The following ZNF618 variants were observed in gnomAD, a reference collection of about 807,000 sequenced individuals.
ZNF618 encodes the protein zinc finger protein 618.
ZNF618 carries 34 observed loss-of-function variants against 103.0 expected under a neutral mutation model. The ratio of observed to expected loss-of-function variants is 0.33; its 90% CI spans 0.25 to 0.44. The LOEUF (loss-of-function observed/expected upper bound fraction) is 0.44, where lower values mean the gene tolerates loss of function less well. Among genes scored for constraint, ZNF618 ranks in the 20% least tolerant of loss-of-function variants. The probability of loss-of-function intolerance (pLI) is 1.00; values close to 1 mark genes in which losing one functional copy is unlikely to be tolerated. For missense variants in ZNF618, 1,059 were observed against 1,295.4 expected, an observed-to-expected ratio of 0.82 and a Z score of 2.80; for synonymous variants, 551 against 542.2, an observed-to-expected ratio of 1.02 and a Z score of -0.23.
intron 1 of ZNF618, among the ~76,000 whole-genome samples, chr9:113,948,791 C>T (rs1490592276): frequency 1.3e-5 from 2 of 152,086 alleles, no homozygotes; most frequent in African/African-American, 4.8e-5. Context: ...CAGAAGGCAG[C>T]GCTGGTAATA....
chr9:113,901,171 T>C (rs1359727001), intron 1 of ZNF618, among the ~76,000 whole-genome samples: 10 of 151,170 alleles, frequency 6.6e-5, no homozygotes, highest in Non-Finnish European at 1.2e-4. Context: ...CTCCTAGCAC[T>C]GTCCTCTCCC....
intron 1 of ZNF618, among the ~76,000 whole-genome samples, chr9:113,936,178 G>C (rs1015843095): frequency 4.6e-5 from 7 of 152,174 alleles, no homozygotes; most frequent in African/African-American, 1.2e-4. Flanking sequence ...GCAGCTTGGT[G>C]GTCAGAGACC....
chr9:113,991,910 C>T (rs2133378115), intron 3 of ZNF618, among the ~76,000 whole-genome samples: 1 of 152,296 alleles, frequency 6.6e-6, no homozygotes, highest in Non-Finnish European at 1.5e-5. Context: ...GAAGCAGGGC[C>T]AGAGTGCTCC....
At chr9:113,951,593 G>A (rs1424765170) in intron 1 of ZNF618, among the ~76,000 whole-genome samples, 1 of 106,256 alleles carries the variant, frequency 9.4e-6, no homozygotes, top group African/African-American at 3.4e-5. Context: ...GTGTGTGTGT[G>A]TGTGTATATA....
At chr9:113,896,336 C>T (rs78829530) in intron 1 of ZNF618, among the ~76,000 whole-genome samples, 1 of 151,992 alleles carries the variant, frequency 6.6e-6, no homozygotes, top group Admixed American at 6.5e-5. Context: ...TGGTCACTTA[C>T]AGATGTGTAA....
chr9:113,928,600 G>C (rs926743476), intron 1 of ZNF618, among the ~76,000 whole-genome samples: 3 of 152,290 alleles, frequency 2.0e-5, no homozygotes, highest in African/African-American at 7.2e-5. Context: ...GTTCGCTGTA[G>C]CTGGAGATGC....
At chr9:114,031,858 A>G (rs1182978014) in intron 11 of ZNF618, among the ~76,000 whole-genome samples, 1 of 151,958 alleles carries the variant, frequency 6.6e-6, no homozygotes, top group Non-Finnish European at 1.5e-5. Flanking sequence ...GCACCTTGGA[A>G]AAGCTGGGCT....
rs1328996298 is a variant in ZNF618 at position 114,050,088 on chromosome 9, C to T, written c.2786C>T (p.Ala929Val). 8.7e-6 allele frequency: 14 copies of T among 1,611,098 alleles called. No homozygotes were observed. Among genetic ancestry groups the T allele is most frequent in the East Asian group, 4.5e-5 (2 of 44,824 alleles). Residue 929 changes from alanine to valine, a missense_variant, in exon 15 of 15, where the codon GCG becomes GTG. Physicochemically the swap from Ala to Val is moderately conservative, Grantham distance 64. Transcript: ENST00000374126. ...GGGTGTGTAAATATGTGTGAACAAG[C>T]GCTTCTAATCAAACGGAGGCGGCTG... Reference protein sequence around the residue: ...RSGCVNMCEQALLIKRRRLLS... With the variant: ...RSGCVNMCEQVLLIKRRRLLS...
Position 114,049,826 on chromosome 9 carries a change from G to A in ZNF618, c.2524G>A (p.Glu842Lys), listed in dbSNP as rs749425140. Residue 842 changes from glutamate to lysine, a missense_variant, in exon 15 of 15, where the codon GAG becomes AAG. By Grantham distance (56) the Glu-to-Lys change is moderately conservative. This residue lies in a region of ZNF618 where 156 missense variants were observed against 197.1 expected (regional missense o/e 0.79). Transcript: ENST00000374126. ...LINEVKESWA[E>K]EADFEPAAKK... ...CAACGAGGTGAAGGAGTCCTGGGCC[G>A]AGGAGGCCGACTTCGAGCCCGCTGC... 65 of 1,613,846 alleles carry A rather than the reference G, an allele frequency of 4.0e-5. No individual in the cohort carries two copies. Among genetic ancestry groups the A allele is most frequent in the Admixed American group, 1.3e-4 (8 of 60,014 alleles).
rs115783601 is a variant in ZNF618, at chr9:114,015,282, T to C, written c.755-1413T>C. ...GTTGATATCCTTAATCTACAAAGAGTTTAGCCATTTCATAAATGTCAATAT... is the reference window on the plus strand; with the variant it reads ...GTTGATATCCTTAATCTACAAAGAGCTTAGCCATTTCATAAATGTCAATAT... On this transcript the variant is annotated intron_variant, in intron 9 of 14. Transcript: ENST00000374126. Among the ~76,000 whole-genome samples, 279 of 152,292 alleles carry C rather than the reference T, an allele frequency of 1.8e-3. 2 individuals carry two copies. The highest frequency in any genetic ancestry group is 6.4e-3 in the African/African-American group (266 of 41,564).
intron 12 of ZNF618, among the ~76,000 whole-genome samples, chr9:114,035,590 T>G (rs4979331): frequency 0.29 from 44,617 of 151,292 alleles, 8,075 homozygotes; most frequent in East Asian, 0.62. Flanking sequence ...CACCCCTCTT[T>G]CTTTTTCCTC....
intron 2 of ZNF618, among the ~76,000 whole-genome samples, chr9:113,973,381 G>A (rs1019691699): frequency 6.6e-6 from 1 of 152,104 alleles, no homozygotes; most frequent in Non-Finnish European, 1.5e-5. Flanking sequence ...CTTCCTCTTG[G>A]CCTGGAACAC....
chr9:113,933,278 T>G (rs1488252851), intron 1 of ZNF618, among the ~76,000 whole-genome samples: 14 of 152,090 alleles, frequency 9.2e-5, no homozygotes. Flanking sequence ...AGGAACAGAG[T>G]TAGGGGCATG....
chr9:114,008,631 G>C, intron 9 of ZNF618, 77 bp downstream of exon 9: 4 of 1,543,030 alleles, frequency 2.6e-6, no homozygotes, highest in South Asian at 1.1e-5. Context: ...TCACTGCTAG[G>C]GCAGGGGTAG....
chr9:114,045,639 A>T (rs1249968426), intron 13 of ZNF618, among the ~76,000 whole-genome samples: 1 of 152,062 alleles, frequency 6.6e-6, no homozygotes, highest in Non-Finnish European at 1.5e-5. Flanking sequence ...TAGTTTGGAA[A>T]TCAGGAAGTA....
At chr9:113,967,755 G>A (rs1837550019) in intron 1 of ZNF618, among the ~76,000 whole-genome samples, 2 of 146,120 alleles carry the variant, frequency 1.4e-5, no homozygotes, top group Non-Finnish European at 3.0e-5. Flanking sequence ...TTCTCCCTGG[G>A]GAGCAAGTGT....
intron 1 of ZNF618, among the ~76,000 whole-genome samples, chr9:113,906,569 C>T (rs1831010137): frequency 6.6e-6 from 1 of 152,142 alleles, no homozygotes; most frequent in Non-Finnish European, 1.5e-5. Flanking sequence ...GTTCCAAGTG[C>T]TCCGTGGAGT....
intron 9 of ZNF618, among the ~76,000 whole-genome samples, chr9:114,014,310 G>T (rs1564299262): frequency 6.6e-6 from 1 of 152,196 alleles, no homozygotes; most frequent in Non-Finnish European, 1.5e-5. Context: ...TAGAGACAAG[G>T]TTAATTCCTT....
At chr9:114,031,971 G>C (rs1844093369) in intron 11 of ZNF618, among the ~76,000 whole-genome samples, 1 of 152,204 alleles carries the variant, frequency 6.6e-6, no homozygotes, top group South Asian at 2.1e-4. Flanking sequence ...CTGCATTGCA[G>C]GGTTTCCAGA....
Sources: gnomAD v4.1 joint callset for allele counts (sites outside exome capture counted in the v4.1 genomes callset) on GRCh38, gnomAD v4.1.1 for gene constraint, gnomAD v4.1.1 regional missense constraint, MANE v1.5 for transcripts, NCBI Gene and HGNC (gene_info 2026-07-23, HGNC 2026-07-21) for gene names.